The following FAR2 variants were observed in gnomAD, a reference collection of about 807,000 sequenced individuals.
FAR2 encodes epididymis secretory protein Li 81.
In FAR2, 19 loss-of-function variants were observed where a neutral mutation model predicts 56.0. The ratio of observed to expected loss-of-function variants is 0.34; its 90% CI spans 0.24 to 0.50. The LOEUF is 0.50. Among genes scored for constraint, FAR2 ranks in the 20% least tolerant of loss-of-function variants. FAR2 has a pLI of 0.98. For synonymous variants in FAR2, 219 were observed against 218.8 expected (o/e 1.00, Z -0.01); for missense variants, 508 against 642.2 (o/e 0.79, Z 2.26).
intron 1 of FAR2, among the ~76,000 whole-genome samples, chr12:29,215,335 G>T (rs1947609892): frequency 6.6e-6 from 1 of 152,116 alleles, no homozygotes; most frequent in Non-Finnish European, 1.5e-5. Flanking sequence ...AACAAAGAAA[G>T]GGAAAGAAAA....
At chr12:29,220,455 C>T (rs974335501) in intron 1 of FAR2, among the ~76,000 whole-genome samples, 1 of 152,124 alleles carries the variant, frequency 6.6e-6, no homozygotes, top group African/African-American at 2.4e-5. Context: ...CTACGTTTCT[C>T]TATTAATTTA....
intron 2 of FAR2, among the ~76,000 whole-genome samples, chr12:29,270,910 A>G (rs1421180163): frequency 6.6e-6 from 1 of 152,210 alleles, no homozygotes; most frequent in African/African-American, 2.4e-5. Context: ...CCCTGAGTGG[A>G]TGCTTCAGCC....
In FAR2 at chr12:29,307,145, T is replaced by C. The variant is rs138002309; in HGVS notation, c.546-513T>C. Among the ~76,000 whole-genome samples, 7 of 152,254 alleles carry C rather than the reference T, an allele frequency of 4.6e-5. No homozygotes were observed. In the East Asian group the frequency reaches 1.4e-3, roughly 29 times the overall value. On this transcript the variant is annotated intron_variant, in intron 4 of 11. Coordinates refer to ENST00000536681, the MANE Select transcript of FAR2 (RefSeq NM_001271783.2). ...TCCCTGAACACAGCATGCAGCACAC[T>C]ACTGGGAGAATGACTGGGACTCAAA... is the stretch of plus-strand genomic sequence containing the variant.
intron 1 of FAR2, among the ~76,000 whole-genome samples, chr12:29,233,796 T>C (rs1346479762): frequency 6.6e-6 from 1 of 152,198 alleles, no homozygotes; most frequent in African/African-American, 2.4e-5. Flanking sequence ...TCTAGCTCCT[T>C]CTTCCCTCCA....
intron 1 of FAR2, among the ~76,000 whole-genome samples, chr12:29,166,265 G>T (rs1443192910): frequency 6.6e-6 from 1 of 152,172 alleles, no homozygotes; most frequent in Non-Finnish European, 1.5e-5. Flanking sequence ...TGTGTGTACA[G>T]ACTTTAATAT....
intron 1 of FAR2, among the ~76,000 whole-genome samples, chr12:29,182,677 G>A (rs1336252001): frequency 1.3e-5 from 2 of 152,162 alleles, no homozygotes; most frequent in African/African-American, 4.8e-5. Flanking sequence ...CCTGGAAGGG[G>A]TCATATCTTT....
intron 1 of FAR2, among the ~76,000 whole-genome samples, chr12:29,226,424 C>A (rs1012368658): frequency 1.3e-5 from 2 of 152,098 alleles, no homozygotes; most frequent in Admixed American, 1.3e-4. Flanking sequence ...GCTCACAAAG[C>A]CCTGGGACAA....
In FAR2 at chr12:29,311,033, G is replaced by C; in HGVS notation, c.774G>C (p.Gly258=). Residue 258 remains glycine (G), a synonymous_variant, in exon 7 of 12, where the codon GGG becomes GGC. Transcript: ENST00000536681. ...ATGTTCTTTTTCCTATGCAGACTGGGAAAGGGTTTCTTCGGGCCATAAAAG... is the reference window on the plus strand; with the variant it reads ...ATGTTCTTTTTCCTATGCAGACTGGCAAAGGGTTTCTTCGGGCCATAAAAG... ...NGPNGIIIAT[G]KGFLRAIKAT... 2 of 1,612,286 alleles carry C rather than the reference G, an allele frequency of 1.2e-6. No homozygotes were observed. The highest frequency in any genetic ancestry group is 1.7e-6 in the Non-Finnish European group (2 of 1,178,450).
chr12:29,274,015 G>A (rs1014878479), intron 2 of FAR2, among the ~76,000 whole-genome samples: 164 of 152,190 alleles, frequency 1.1e-3, no homozygotes, highest in African/African-American at 3.8e-3. Context: ...TGTTGCTGGC[G>A]AAGGATTCAC....
At chr12:29,186,865 T>C (rs958602570) in intron 1 of FAR2, among the ~76,000 whole-genome samples, 2 of 152,086 alleles carry the variant, frequency 1.3e-5, no homozygotes, top group Non-Finnish European at 2.9e-5. Context: ...CTCGGCTCAC[T>C]GTAAGCTCCG....
intron 1 of FAR2, among the ~76,000 whole-genome samples, chr12:29,243,552 TC>T (rs1372927755): frequency 6.6e-6 from 1 of 152,222 alleles, no homozygotes; most frequent in Non-Finnish European, 1.5e-5. Context: ...ACCACTGCTA[TC>T]TGGTATGTTT....
At chr12:29,321,011 A>G (rs1342931873) in intron 9 of FAR2, among the ~76,000 whole-genome samples, 4 of 152,174 alleles carry the variant, frequency 2.6e-5, no homozygotes, top group Admixed American at 6.5e-5. Flanking sequence ...AACAAAGATG[A>G]TATCAAAATT....
At chr12:29,302,938 C>T (rs942860729) in intron 4 of FAR2, among the ~76,000 whole-genome samples, 1 of 152,106 alleles carries the variant, frequency 6.6e-6, no homozygotes, top group African/African-American at 2.4e-5. Flanking sequence ...TATGGGGTTG[C>T]ACCTATCAAA....
chr12:29,296,893 C>T (rs1243883571), intron 3 of FAR2, 128 bp from the exon 4 acceptor site: 7 of 749,158 alleles, frequency 9.3e-6, no homozygotes, highest in Admixed American at 2.5e-5. Flanking sequence ...ACCCATCCTT[C>T]TCTTCCTGGT....
At position 29,333,685 on chromosome 12, in the gene FAR2, G is replaced by A. The variant is rs184570957; in HGVS notation, c.1439G>A (p.Arg480His). 3.8e-5 allele frequency: 61 copies of A among 1,613,694 alleles called. No homozygotes were observed. The highest frequency in any genetic ancestry group is 4.8e-5 in the Non-Finnish European group (57 of 1,179,728). Residue 480 changes from arginine (R) to histidine (H), a missense_variant, in exon 12 of 12, where the codon CGC becomes CAC. Physicochemically the swap from Arg to His is conservative, Grantham distance 29 (BLOSUM62 0). Transcript: ENST00000536681. ...FNTALFLIAW[R>H]LLIARSQMAR... Reference sequence around the variant, plus strand: ...ACTGCCCTCTTCCTTATCGCCTGGCGCCTTCTCATTGCAAGATCTCAGATG... The same window carrying A: ...ACTGCCCTCTTCCTTATCGCCTGGCACCTTCTCATTGCAAGATCTCAGATG...
chr12:29,287,752 T>C (rs1437672838), intron 2 of FAR2, among the ~76,000 whole-genome samples: 4 of 152,148 alleles, frequency 2.6e-5, no homozygotes, highest in African/African-American at 9.7e-5. Flanking sequence ...TTAGAAAAGA[T>C]TAGATTACCT....
chr12:29,189,976 G>A (rs1950087069), intron 1 of FAR2, among the ~76,000 whole-genome samples: 1 of 152,134 alleles, frequency 6.6e-6, no homozygotes, highest in Non-Finnish European at 1.5e-5. Flanking sequence ...TATGAAGTAG[G>A]GGTAGGAGAA....
chr12:29,260,247 G>A (rs889760270), intron 1 of FAR2, among the ~76,000 whole-genome samples: 4 of 152,142 alleles, frequency 2.6e-5, no homozygotes, highest in East Asian at 1.9e-4. Flanking sequence ...TTTCTGCAAC[G>A]AGGAATCAAG....
At chr12:29,286,622 T>C (rs1948880104) in intron 2 of FAR2, among the ~76,000 whole-genome samples, 1 of 152,204 alleles carries the variant, frequency 6.6e-6, no homozygotes, top group Non-Finnish European at 1.5e-5. Context: ...GACTGTGAAA[T>C]TGATCTTTGG....
Sources: allele counts gnomAD v4.1 joint callset (sites outside exome capture counted in the v4.1 genomes callset), GRCh38; gene constraint gnomAD v4.1.1; transcripts MANE v1.5; gene names NCBI Gene and HGNC (gene_info 2026-07-23, HGNC 2026-07-21).